The following TRIM14 variants were observed in gnomAD, a reference collection of about 807,000 sequenced individuals.
TRIM14 encodes the protein tripartite motif-containing protein 14.
In TRIM14, 28 loss-of-function variants were observed where a neutral mutation model predicts 44.5. The observed-to-expected ratio is 0.63, with a 90% CI of 0.47 to 0.86. TRIM14 has a LOEUF of 0.86. Ranked by LOEUF, TRIM14 falls within the 40% of genes least tolerant of loss-of-function variation. The probability of loss-of-function intolerance (pLI) is 0.00; values close to 1 mark genes in which losing one functional copy is unlikely to be tolerated. For synonymous variants in TRIM14, 299 were observed against 269.2 expected (o/e 1.11, Z -1.08); for missense variants, 607 against 611.1 (o/e 0.99, Z 0.07).
At chr9:98,088,471 C>T (rs992172377) in intron 5 of TRIM14, among the ~76,000 whole-genome samples, 1 of 152,186 alleles carries the variant, frequency 6.6e-6, no homozygotes, top group Non-Finnish European at 1.5e-5. Context: ...TCTCCTGCCT[C>T]AGCCTCCCGA....
chr9:98,080,732 G>T, downstream of TRIM14: 1 of 1,462,822 alleles, frequency 6.8e-7, no homozygotes, highest in Non-Finnish European at 9.1e-7. Context: ...GGCTAAACCG[G>T]GGCTCAACCA....
At chr9:98,070,681 A>G (rs1242702667) in intron 6 of TRIM14, among the ~76,000 whole-genome samples, 1 of 152,158 alleles carries the variant, frequency 6.6e-6, no homozygotes, top group African/African-American at 2.4e-5. Flanking sequence ...TGTCCTCCCA[A>G]AGTGCTGGGA....
chr9:98,056,920 C>T, the TRIM14 span: 1 of 1,604,064 alleles, frequency 6.2e-7, no homozygotes, highest in Non-Finnish European at 8.5e-7. Context: ...CGTAGCCAAG[C>T]GCATGATCCG....
intron 2 of TRIM14, among the ~76,000 whole-genome samples, chr9:98,107,488 T>A (rs936152085): frequency 5.9e-5 from 9 of 152,240 alleles, no homozygotes; most frequent in Admixed American, 1.3e-4. Context: ...AACTAGTGGT[T>A]CTTGCAACAA....
intron 2 of TRIM14, among the ~76,000 whole-genome samples, chr9:98,106,623 T>G (rs1826621121): frequency 1.3e-5 from 2 of 152,192 alleles, no homozygotes; most frequent in Admixed American, 6.5e-5. Flanking sequence ...TAGGTGTTAG[T>G]CTAACAAAAC....
intron 4 of TRIM14, chr9:98,092,470 G>C: frequency 2.6e-6 from 1 of 380,936 alleles, no homozygotes. Context: ...CTCCTTCCCA[G>C]CTATTGGGGC....
chr9:98,063,444 G>C, the TRIM14 span, among the ~76,000 whole-genome samples: 1 of 151,980 alleles, frequency 6.6e-6, no homozygotes, highest in African/African-American at 2.4e-5. Flanking sequence ...GTTTCACCAT[G>C]TTGGCCAGGC....
chr9:98,103,340 A>G (rs532362546), intron 2 of TRIM14, among the ~76,000 whole-genome samples: 129 of 152,166 alleles, frequency 8.5e-4, no homozygotes, highest in African/African-American at 2.9e-3. Context: ...ATAAAACAAA[A>G]CCTGTATATG....
At chr9:98,060,785 T>C in the TRIM14 span, 1 of 1,613,970 alleles carries the variant, frequency 6.2e-7, no homozygotes, top group Non-Finnish European at 8.5e-7. Flanking sequence ...GTTGTAGGAG[T>C]GTGGGGCTGA....
At chr9:98,108,981 G>A (rs921535254) in intron 2 of TRIM14, among the ~76,000 whole-genome samples, 2 of 151,070 alleles carry the variant, frequency 1.3e-5, no homozygotes, top group Admixed American at 1.3e-4. Flanking sequence ...GGGCTCAAGC[G>A]ATCTTCCCAC....
downstream of TRIM14, among the ~76,000 whole-genome samples, chr9:98,067,011 A>C (rs1829168102): frequency 6.6e-6 from 1 of 152,174 alleles, no homozygotes; most frequent in Non-Finnish European, 1.5e-5. Flanking sequence ...AGAATCATAC[A>C]ATATGTGGTC....
downstream of TRIM14, among the ~76,000 whole-genome samples, chr9:98,065,652 T>C (rs937040321): frequency 4.3e-4 from 65 of 150,952 alleles, no homozygotes; most frequent in Middle Eastern, 3.4e-3. Context: ...TTTTTTTTTT[T>C]CCCCCTGGAG....
At chr9:98,057,090 C>A in the TRIM14 span, 1 of 1,173,842 alleles carries the variant, frequency 8.5e-7, no homozygotes, top group Non-Finnish European at 1.2e-6. Flanking sequence ...TCCTTCGGAT[C>A]CCTCTTCCTC....
At chr9:98,109,674 C>T (rs965049436) in intron 2 of TRIM14, among the ~76,000 whole-genome samples, 1 of 152,182 alleles carries the variant, frequency 6.6e-6, no homozygotes, top group Non-Finnish European at 1.5e-5. Context: ...GCTCAGGGCC[C>T]CTCACTTGCA....
In TRIM14 at chr9:98,087,960, A is replaced by C; in HGVS notation, c.839T>G (p.Leu280Arg). ...CGTCAGGCGATCGGCGGACAGGCGC[A>C]GGCGCGCGTGCATCGTGTCAGGATC... ...TLDPDTMHAR[L>R]RLSADRLTVR... is the part of the protein sequence containing the mutation. Residue 280 changes from leucine to arginine, a missense_variant, in exon 6 of 6, where the codon CTG becomes CGG. Leu to Arg is a moderately radical substitution (Grantham distance 102, BLOSUM62 -2). Around this residue, in one of 3 missense-constraint regions of TRIM14, gnomAD observed 356 missense variants for 323.0 expected, o/e 1.10. Transcript: ENST00000341469. The C allele has an allele frequency of 8.3e-6, 13 of 1,563,906 alleles. No individual in the cohort carries two copies. The highest frequency in any genetic ancestry group is 1.1e-5 in the Non-Finnish European group (13 of 1,165,734).
intron 1 of TRIM14, among the ~76,000 whole-genome samples, chr9:98,111,971 C>T (rs1318470579): frequency 1.3e-5 from 2 of 151,990 alleles, no homozygotes; most frequent in Admixed American, 1.3e-4. Context: ...TTTTCAGTAA[C>T]TTAATATCAT....
chr9:98,107,322 C>A lies in TRIM14; in HGVS notation c.303+2567G>T, dbSNP rs145838494. Among the ~76,000 whole-genome samples, 4 of 152,292 alleles carry A rather than the reference C, an allele frequency of 2.6e-5. No individual in the cohort carries two copies. The East Asian group carries it at 7.7e-4, about 29-fold the overall frequency. On this transcript the variant is annotated intron_variant, in intron 2 of 5. Coordinates refer to ENST00000341469, the MANE Select transcript of TRIM14 (RefSeq NM_014788.4). ...AGATAAATGAAAACTTATGTCCGCA[C>A]AGAAACCTGGACACAACTGTTCAAA...
At chr9:98,078,441 C>A in intron 6 of TRIM14, 1 of 1,439,938 alleles carries the variant, frequency 6.9e-7, no homozygotes, top group Non-Finnish European at 9.4e-7. Flanking sequence ...ACATGGCATA[C>A]TTTATAATTT....
downstream of TRIM14, chr9:98,081,025 T>C (rs1010239881): frequency 1.2e-6 from 2 of 1,614,204 alleles, no homozygotes; most frequent in Non-Finnish European, 1.7e-6. Context: ...TTGTGGAGCG[T>C]GCCCTGGGCT....
Sources: gnomAD v4.1 joint callset for allele counts (sites outside exome capture counted in the v4.1 genomes callset) on GRCh38, gnomAD v4.1.1 for gene constraint, gnomAD v4.1.1 regional missense constraint, MANE v1.5 for transcripts, NCBI Gene and HGNC (gene_info 2026-07-23, HGNC 2026-07-21) for gene names.